The following TENT4B variants were observed in gnomAD, a reference collection of about 807,000 sequenced individuals.
The protein encoded by TENT4B is PAP associated domain containing 5.
A neutral mutation model predicts 75.0 loss-of-function variants in TENT4B; 10 were observed. That is an observed-to-expected ratio of 0.13 (90% confidence interval 0.08 to 0.23). TENT4B has a LOEUF of 0.23. Among genes scored for constraint, TENT4B ranks in the 10% least tolerant of loss-of-function variants. The pLI, the probability that TENT4B is intolerant of heterozygous loss-of-function variation, is 1.00. For missense variants in TENT4B, 579 were observed against 893.8 expected, an observed-to-expected ratio of 0.65 and a Z score of 4.49; for synonymous variants, 350 against 357.7, an observed-to-expected ratio of 0.98 and a Z score of 0.24.
At chr16:50,157,716 C>G (rs2037927578) in intron 1 of TENT4B, among the ~76,000 whole-genome samples, 1 of 152,100 alleles carries the variant, frequency 6.6e-6, no homozygotes, top group South Asian at 2.1e-4. Flanking sequence ...GCCTTGGCCT[C>G]CCAGTGTGCT....
At chr16:50,193,571 C>T (rs2030004220) in intron 1 of TENT4B, among the ~76,000 whole-genome samples, 2 of 152,032 alleles carry the variant, frequency 1.3e-5, no homozygotes, top group South Asian at 4.2e-4. Context: ...ATCTCCTGAC[C>T]TCGTGATCCA....
Position 50,153,491 on chromosome 16 carries a change from C to G in TENT4B, c.-131C>G. 1.0e-6 allele frequency: 1 copy of G among 956,584 alleles called. No individual in the cohort carries two copies. The highest frequency in any genetic ancestry group is 1.2e-6 in the Non-Finnish European group (1 of 808,556). The allele number at this position is 956,584 out of a possible 1,614,324, so 59.3% of individuals were successfully genotyped here. On this transcript the variant is annotated 5_prime_UTR_variant, in exon 1 of 12. Coordinates refer to ENST00000561678, the MANE Select transcript of TENT4B (RefSeq NM_001365324.3). ...CGCGCCGCCCGCGGCGGGCCCCGAG[C>G]AGCAGCAGCAGCAGCAGCGGCAGCA... is the stretch of plus-strand genomic sequence containing the variant.
chr16:50,153,202 G>T (rs1463791791), upstream of TENT4B, among the ~76,000 whole-genome samples: 1 of 107,854 alleles, frequency 9.3e-6, no homozygotes, highest in South Asian at 3.0e-4. Context: ...GGGGCGGAGC[G>T]AGAGGGGCGG....
intron 1 of TENT4B, among the ~76,000 whole-genome samples, chr16:50,191,627 TATC>T (rs1207126947): frequency 6.6e-6 from 1 of 152,098 alleles, no homozygotes; most frequent in African/African-American, 2.4e-5. Flanking sequence ...CCTTTAAAAA[TATC>T]ATTAATAGGC....
rs1372772564 is a variant in TENT4B, at chr16:50,154,257, G to T, written c.636G>T (p.Val212=). 1.1e-5 allele frequency: 16 copies of T among 1,435,996 alleles called. No individual in the cohort carries two copies. Among genetic ancestry groups the T allele is most frequent in the Middle Eastern group, 2.1e-4 (1 of 4,826 alleles). The allele number at this position is 1,435,996 out of a possible 1,614,324, so 89.0% of individuals were successfully genotyped here. ...WKRRNYNQGV[V]GLHEEISDFY... is the part of the protein sequence containing the mutation. ...GGAGGAACTACAACCAGGGAGTCGT[G>T]GGGTGAGTGCTGGCTCTGCGGCCCG... The change falls in exon 1 of 12, where the codon GTG becomes GTT. Residue 212 remains valine, a splice_region_variant and synonymous_variant. Transcript: ENST00000561678.
rs952068982 is a variant in TENT4B at position 50,233,282 on chromosome 16, C to CCT, written c.*3956_*3957dup. On this transcript the variant is annotated 3_prime_UTR_variant, in exon 12 of 12. Coordinates refer to ENST00000561678, the MANE Select transcript of TENT4B (RefSeq NM_001365324.3). ...AGTTCATCTTGCCTTGGTTTCTGAC[C>CCT]CTCAAGACTCTAGCTACCTGCCATC... 1.6e-4 allele frequency: 157 copies of CCT among 985,288 alleles called. No homozygotes were observed. The African/African-American group carries it at 2.4e-3, about 15-fold the overall frequency. 61.0% of individuals were successfully genotyped at this position (985,288 alleles called of 1,614,324 possible).
intron 1 of TENT4B, among the ~76,000 whole-genome samples, chr16:50,193,002 GAA>G (rs1258891417): frequency 6.6e-6 from 1 of 152,156 alleles, no homozygotes; most frequent in Non-Finnish European, 1.5e-5. Context: ...TGAACCCGAG[GAA>G]GTCAAGGCTA....
At chr16:50,201,866 G>A (rs1442170365) in intron 1 of TENT4B, among the ~76,000 whole-genome samples, 1 of 150,320 alleles carries the variant, frequency 6.7e-6, no homozygotes, top group Non-Finnish European at 1.5e-5. Flanking sequence ...TGGATACAGT[G>A]GTGCACACCT....
intron 1 of TENT4B, among the ~76,000 whole-genome samples, chr16:50,173,023 C>G (rs1215791372): frequency 6.6e-6 from 1 of 152,012 alleles, no homozygotes; most frequent in African/African-American, 2.4e-5. Flanking sequence ...TCACTGCAAA[C>G]TCTCCGCCTC....
At chr16:50,208,055 G>C (rs1006960086) in intron 1 of TENT4B, among the ~76,000 whole-genome samples, 1 of 152,212 alleles carries the variant, frequency 6.6e-6, no homozygotes, top group Non-Finnish European at 1.5e-5. Flanking sequence ...GTGAGATGGT[G>C]ATGCTTGTGC....
chr16:50,209,253 A>G (rs1289021632), intron 1 of TENT4B, among the ~76,000 whole-genome samples: 3 of 152,224 alleles, frequency 2.0e-5, no homozygotes, highest in African/African-American at 2.4e-5. Context: ...AGACTACGCA[A>G]TGAGATAAGA....
chr16:50,174,769 G>A (rs371847167), intron 1 of TENT4B, among the ~76,000 whole-genome samples: 20 of 137,604 alleles, frequency 1.5e-4, no homozygotes, highest in Admixed American at 4.5e-4. Flanking sequence ...TTTTTGATAC[G>A]GAGTCGCTCT....
intron 1 of TENT4B, among the ~76,000 whole-genome samples, chr16:50,164,140 A>G (rs901952376): frequency 3.9e-5 from 6 of 152,174 alleles, no homozygotes; most frequent in Admixed American, 3.9e-4. Flanking sequence ...CTGGGCAGCA[A>G]GAGTGAAACT....
At chr16:50,212,235 T>C (rs1209151575) in intron 2 of TENT4B, among the ~76,000 whole-genome samples, 3 of 152,110 alleles carry the variant, frequency 2.0e-5, no homozygotes, top group African/African-American at 7.2e-5. Flanking sequence ...TTTTGTATTT[T>C]TTTGTAGAGA....
intron 1 of TENT4B, among the ~76,000 whole-genome samples, chr16:50,176,494 CTTTTTTTTTTTT>C (rs34067223): frequency 7.9e-4 from 42 of 53,090 alleles, no homozygotes; most frequent in South Asian, 5.0e-3. Context: ...ACCAATAATT[CTTTTTTTTTTTT>C]TTTTTTTTTT....
intron 1 of TENT4B, among the ~76,000 whole-genome samples, chr16:50,187,554 G>A (rs1355998964): frequency 6.6e-6 from 1 of 152,236 alleles, no homozygotes; most frequent in Non-Finnish European, 1.5e-5. Context: ...CTGCACTCCA[G>A]CCTGGGCGAC....
chr16:50,163,740 A>T, intron 1 of TENT4B, among the ~76,000 whole-genome samples: 1 of 150,630 alleles, frequency 6.6e-6, no homozygotes, highest in East Asian at 2.0e-4. Flanking sequence ...ATATTTTTTG[A>T]CTTTTTAGTG....
chr16:50,189,173 A>C (rs762254066), intron 1 of TENT4B, among the ~76,000 whole-genome samples: 4 of 152,190 alleles, frequency 2.6e-5, no homozygotes, highest in African/African-American at 4.8e-5. Flanking sequence ...TCTTAGAGAT[A>C]GGATGTTTGT....
intron 1 of TENT4B, among the ~76,000 whole-genome samples, chr16:50,175,525 G>A (rs1275167716): frequency 2.0e-5 from 3 of 151,870 alleles, no homozygotes; most frequent in South Asian, 4.2e-4. Flanking sequence ...TCGCTTTGTC[G>A]CCAGGCTGAA....
Sources: gnomAD v4.1 joint callset for allele counts (sites outside exome capture counted in the v4.1 genomes callset) on GRCh38, gnomAD v4.1.1 for gene constraint, MANE v1.5 for transcripts, NCBI Gene and HGNC (gene_info 2026-07-23, HGNC 2026-07-21) for gene names.